The following MPPED2 variants were observed in gnomAD, a reference collection of about 807,000 sequenced individuals.
MPPED2 encodes metallophosphoesterase domain containing 2, also known as metallophosphoesterase MPPED2.
A neutral mutation model predicts 33.0 loss-of-function variants in MPPED2; 5 were observed. The observed-to-expected ratio is 0.15, with a 90% CI of 0.08 to 0.32. MPPED2 has a LOEUF of 0.32. Ranked by LOEUF, MPPED2 falls within the 10% of genes least tolerant of loss-of-function variation. MPPED2 has a pLI of 1.00. For missense variants in MPPED2, 275 were observed against 372.1 expected (o/e 0.74, Z 2.15); for synonymous variants, 136 against 141.9 (o/e 0.96, Z 0.29).
intron 4 of MPPED2, among the ~76,000 whole-genome samples, chr11:30,435,116 T>G (rs1949267390): frequency 6.6e-6 from 1 of 152,240 alleles, no homozygotes; most frequent in African/African-American, 2.4e-5. Flanking sequence ...CTTGTTTGTA[T>G]GCTTTCTGAG....
At chr11:30,485,108 C>A (rs1252806709) in intron 4 of MPPED2, among the ~76,000 whole-genome samples, 1 of 151,992 alleles carries the variant, frequency 6.6e-6, no homozygotes, top group Non-Finnish European at 1.5e-5. Context: ...TATTTTAATC[C>A]CATGAAAAAT....
At chr11:30,570,252 C>A (rs1956633134) in intron 2 of MPPED2, among the ~76,000 whole-genome samples, 1 of 152,030 alleles carries the variant, frequency 6.6e-6, no homozygotes, top group Non-Finnish European at 1.5e-5. Context: ...TTCACCGTAA[C>A]CTCATATGAA....
chr11:30,465,574 G>A (rs909164621), intron 4 of MPPED2, among the ~76,000 whole-genome samples: 1 of 152,222 alleles, frequency 6.6e-6, no homozygotes, highest in African/African-American at 2.4e-5. Flanking sequence ...GGGACTACAG[G>A]TGTGAGCCAC....
chr11:30,420,876 C>T (rs1445363190), intron 4 of MPPED2, among the ~76,000 whole-genome samples: 1 of 152,136 alleles, frequency 6.6e-6, no homozygotes, highest in East Asian at 1.9e-4. Context: ...CTTTATTTTA[C>T]AGTGACCCTC....
At chr11:30,464,537 C>T (rs1950631653) in intron 4 of MPPED2, among the ~76,000 whole-genome samples, 1 of 152,156 alleles carries the variant, frequency 6.6e-6, no homozygotes, top group Non-Finnish European at 1.5e-5. Flanking sequence ...CTTTGAAACT[C>T]AGGCTTTTCA....
chr11:30,585,827 C>T (rs1379754319), intron 1 of MPPED2, among the ~76,000 whole-genome samples: 1 of 152,190 alleles, frequency 6.6e-6, no homozygotes, highest in Non-Finnish European at 1.5e-5. Context: ...CGCCGAATTG[C>T]CCGGGAGGCG....
chr11:30,494,515 A>G (rs1352334683), intron 4 of MPPED2, among the ~76,000 whole-genome samples: 1 of 152,092 alleles, frequency 6.6e-6, no homozygotes, highest in Non-Finnish European at 1.5e-5. Flanking sequence ...AGGCGGGCCA[A>G]TCACCTGAGG....
chr11:30,493,342 G>A (rs1407253956), intron 4 of MPPED2, among the ~76,000 whole-genome samples: 5 of 147,854 alleles, frequency 3.4e-5, no homozygotes, highest in Non-Finnish European at 7.4e-5. Flanking sequence ...CAGCACTCCC[G>A]CCTGGGCGAC....
chr11:30,427,619 T>A (rs1948896876), intron 4 of MPPED2, among the ~76,000 whole-genome samples: 1 of 145,638 alleles, frequency 6.9e-6, no homozygotes, highest in African/African-American at 2.5e-5. Context: ...TGAATGTTCA[T>A]GAAGAGTTTG....
intron 3 of MPPED2, among the ~76,000 whole-genome samples, chr11:30,517,429 T>A (rs1173179166): frequency 6.6e-6 from 1 of 152,214 alleles, no homozygotes; most frequent in Non-Finnish European, 1.5e-5. Flanking sequence ...CAAGCCTATG[T>A]ATACGGTAAA....
intron 6 of MPPED2, among the ~76,000 whole-genome samples, chr11:30,398,415 G>T (rs569078616): frequency 5.1e-4 from 78 of 152,234 alleles, no homozygotes; most frequent in South Asian, 2.5e-3. Context: ...TTAGATCGGG[G>T]TGAACACATG....
At chr11:30,526,258 G>A (rs186814069) in intron 3 of MPPED2, among the ~76,000 whole-genome samples, 1 of 152,004 alleles carries the variant, frequency 6.6e-6, no homozygotes, top group East Asian at 1.9e-4. Context: ...GAACATACAG[G>A]CAACTCATAG....
At chr11:30,494,545 C>T (rs1952144051) in intron 4 of MPPED2, among the ~76,000 whole-genome samples, 1 of 151,904 alleles carries the variant, frequency 6.6e-6, no homozygotes, top group Admixed American at 6.5e-5. Context: ...CAAGACCAGC[C>T]TGGCCAACAT....
exon 7 of MPPED2, chr11:30,387,779 C>T (rs1947720635): frequency 6.5e-6 from 1 of 152,678 alleles, no homozygotes; most frequent in Admixed American, 6.5e-5. Flanking sequence ...CCCCCCCTCT[C>T]TCCAGGCCTC....
At chr11:30,454,684 A>G (rs1331797614) in intron 4 of MPPED2, among the ~76,000 whole-genome samples, 1 of 152,156 alleles carries the variant, frequency 6.6e-6, no homozygotes, top group Non-Finnish European at 1.5e-5. Context: ...AATGAATAGA[A>G]TGGTGTGTGA....
At chr11:30,505,016 C>G (rs529538192) in intron 3 of MPPED2, among the ~76,000 whole-genome samples, 6 of 152,078 alleles carry the variant, frequency 3.9e-5, no homozygotes, top group Non-Finnish European at 8.8e-5. Flanking sequence ...AAAGAGAATC[C>G]CAAGGCACCA....
Position 30,414,887 on chromosome 11 carries a change from G to A in MPPED2, c.653-546C>T, listed in dbSNP as rs554121382. ...CTCCTGTGGTCCTGTCCTCTCCAGCGACAGGCAAAAATGTGACCTCACAGT... is the reference window on the plus strand; with the variant it reads ...CTCCTGTGGTCCTGTCCTCTCCAGCAACAGGCAAAAATGTGACCTCACAGT... On this transcript the variant is annotated intron_variant, in intron 5 of 6. Coordinates refer to ENST00000358117, the MANE Select transcript of MPPED2 (RefSeq NM_001584.3). Among the ~76,000 whole-genome samples, 8 of 152,226 alleles carry A rather than the reference G, an allele frequency of 5.3e-5. No homozygotes were observed. In the East Asian group the frequency reaches 5.8e-4, roughly 11 times the overall value.
intron 4 of MPPED2, among the ~76,000 whole-genome samples, chr11:30,425,917 G>A (rs1429638237): frequency 6.6e-6 from 1 of 152,080 alleles, no homozygotes; most frequent in African/African-American, 2.4e-5. Context: ...TAAAGAAAAG[G>A]GATATTTGTC....
Position 30,399,428 on chromosome 11 carries a change from G to A in MPPED2, c.767-10472C>T, listed in dbSNP as rs185381750. On this transcript the variant is annotated intron_variant, in intron 6 of 6. Transcript: ENST00000448418. ...CACAGAGAAATGGAATTCTTGATTC[G>A]AGAAATCATTTCTTCTAATCCTTTA... is the stretch of plus-strand genomic sequence containing the variant. Among the ~76,000 whole-genome samples, 64 of 152,170 alleles carry A rather than the reference G, an allele frequency of 4.2e-4. 1 individual carries two copies. The highest frequency in any genetic ancestry group is 1.4e-3 in the African/African-American group (59 of 41,516).
Sources: allele counts gnomAD v4.1 joint callset (sites outside exome capture counted in the v4.1 genomes callset), GRCh38; gene constraint gnomAD v4.1.1; transcripts MANE v1.5; gene names NCBI Gene and HGNC (gene_info 2026-07-23, HGNC 2026-07-21).